The following LRP1B variants were observed in gnomAD, a reference collection of about 807,000 sequenced individuals.
LRP1B encodes the protein LDL receptor related protein 1B.
In LRP1B, 217 loss-of-function variants were observed where a neutral mutation model predicts 556.6. That is an observed-to-expected ratio of 0.39 (90% CI 0.35 to 0.44). The LOEUF (loss-of-function observed/expected upper bound fraction) is 0.44. Among genes scored for constraint, LRP1B ranks in the 20% least tolerant of loss-of-function variants. The probability of loss-of-function intolerance (pLI) is 1.00; values close to 1 mark genes in which losing one functional copy is unlikely to be tolerated. For missense variants in LRP1B, 5,053 were observed against 5,620.8 expected (o/e 0.90, Z 3.23); for synonymous variants, 2,047 against 1,865.8 (o/e 1.10, Z -2.50).
At chr2:141,628,065 G>T (rs1419039635) in intron 2 of LRP1B, among the ~76,000 whole-genome samples, 1 of 152,204 alleles carries the variant, frequency 6.6e-6, no homozygotes, top group Non-Finnish European at 1.5e-5. Flanking sequence ...AGGTGGCTGG[G>T]TAAAAGAGCA....
intron 41 of LRP1B, among the ~76,000 whole-genome samples, chr2:140,684,453 C>T (rs1685976294): frequency 6.6e-6 from 1 of 152,164 alleles, no homozygotes; most frequent in Non-Finnish European, 1.5e-5. Context: ...AATCCTGTCA[C>T]CCTAAGCATG....
intron 3 of LRP1B, among the ~76,000 whole-genome samples, chr2:141,467,845 G>GGGC (rs575815274): frequency 7.9e-6 from 1 of 127,364 alleles, no homozygotes; most frequent in African/African-American, 2.8e-5. Flanking sequence ...GGACCGGGGG[G>GGGC]GGGGGAATTC....
intron 41 of LRP1B, among the ~76,000 whole-genome samples, chr2:140,650,648 C>G (rs984673906): frequency 1.3e-5 from 2 of 152,004 alleles, no homozygotes; most frequent in African/African-American, 4.8e-5. Context: ...CATGCCCGGC[C>G]GACAGTTAAA....
intron 2 of LRP1B, among the ~76,000 whole-genome samples, chr2:141,572,275 T>C (rs1223049074): frequency 6.6e-6 from 1 of 152,054 alleles, no homozygotes; most frequent in African/African-American, 2.4e-5. Flanking sequence ...GGGGTCAATA[T>C]ACAACATTCT....
At chr2:141,672,565 T>G (rs563846462) in intron 2 of LRP1B, among the ~76,000 whole-genome samples, 1 of 152,182 alleles carries the variant, frequency 6.6e-6, no homozygotes, top group Non-Finnish European at 1.5e-5. Context: ...ATACCTAGAT[T>G]TATGTAATCT....
At chr2:140,572,372 T>C (rs971989915) in intron 43 of LRP1B, among the ~76,000 whole-genome samples, 2 of 151,234 alleles carry the variant, frequency 1.3e-5, no homozygotes, top group Non-Finnish European at 3.0e-5. Flanking sequence ...TGCAAATAAA[T>C]GGCCAACAGG....
chr2:141,471,281 T>TTTTTGTTTTTG (rs1682459612), intron 3 of LRP1B, among the ~76,000 whole-genome samples: 1 of 81,764 alleles, frequency 1.2e-5, no homozygotes, highest in Non-Finnish European at 2.7e-5. Context: ...TTTTTTTTTT[T>TTTTTGTTTTTG]TTTTTTTTTT....
chr2:141,149,758 G>T (rs956479201), intron 7 of LRP1B, among the ~76,000 whole-genome samples: 1 of 152,158 alleles, frequency 6.6e-6, no homozygotes, highest in Admixed American at 6.6e-5. Flanking sequence ...GAACAGGTTC[G>T]CAGCAGGCCT....
At chr2:142,071,653 G>T (rs1705315514) in intron 1 of LRP1B, among the ~76,000 whole-genome samples, 1 of 151,992 alleles carries the variant, frequency 6.6e-6, no homozygotes, top group South Asian at 2.1e-4. Flanking sequence ...TTGAGTATTT[G>T]TGACAGAGAC....
Position 141,044,000 on chromosome 2 carries a change from C to G in LRP1B, c.1789+4986G>C, listed in dbSNP as rs1302997179. Among the ~76,000 whole-genome samples, 8 of 152,084 alleles carry G rather than the reference C, an allele frequency of 5.3e-5. No homozygotes were observed. The East Asian group carries it at 1.4e-3, about 26-fold the overall frequency. ...CAAAGGAACAAAGGTGGAGGCATCACACTACCTGACTTCAAACTATACTAC... is the reference window on the plus strand; with the variant it reads ...CAAAGGAACAAAGGTGGAGGCATCAGACTACCTGACTTCAAACTATACTAC... On this transcript the variant is annotated intron_variant, in intron 11 of 90. Coordinates refer to ENST00000389484, the MANE Select transcript of LRP1B (RefSeq NM_018557.3).
intron 7 of LRP1B, among the ~76,000 whole-genome samples, chr2:141,126,672 G>GATC (rs765216409): frequency 2.6e-5 from 4 of 151,876 alleles, no homozygotes; most frequent in Non-Finnish European, 4.4e-5. Flanking sequence ...CTTCACCCAA[G>GATC]ATCATATCCA....
Position 141,028,906 on chromosome 2 carries a change from G to A in LRP1B, c.1790-8804C>T, listed in dbSNP as rs574504586. On this transcript the variant is annotated intron_variant, in intron 11 of 90. Coordinates refer to ENST00000389484, the MANE Select transcript of LRP1B (RefSeq NM_018557.3). ...AAGGCAACAACCAAGTGAAACATACGCAGAATAATCACAAAAGAGAAAAAG... is the reference window on the plus strand; with the variant it reads ...AAGGCAACAACCAAGTGAAACATACACAGAATAATCACAAAAGAGAAAAAG... Among the ~76,000 whole-genome samples, 17 of 152,142 alleles carry A rather than the reference G, an allele frequency of 1.1e-4. No homozygotes were observed. The East Asian group carries it at 1.4e-3, about 12-fold the overall frequency.
At chr2:141,753,899 A>T (rs2105575424) in intron 2 of LRP1B, among the ~76,000 whole-genome samples, 1 of 152,142 alleles carries the variant, frequency 6.6e-6, no homozygotes, top group African/African-American at 2.4e-5. Context: ...TGTCCAGCTC[A>T]TTTATCTTGT....
chr2:140,495,707 T>C lies in LRP1B; in HGVS notation c.8892A>G (p.Lys2964=), dbSNP rs1382613513. 1 of 1,612,870 alleles carries C rather than the reference T, an allele frequency of 6.2e-7. No homozygotes were observed. The highest frequency in any genetic ancestry group is 1.1e-5 in the South Asian group (1 of 91,028). Residue 2964 remains lysine, a synonymous_variant, in exon 56 of 91, where the codon AAA becomes AAG. Transcript: ENST00000389484. The part of the protein sequence containing the change: ...WPGFQLKDDG[K]TCVDIDECSS... ...AGCATTCATCAATGTCTACACATGTTTTGCCGTCATCCTTCAGTTGGAATC... is the reference window on the plus strand; with the variant it reads ...AGCATTCATCAATGTCTACACATGTCTTGCCGTCATCCTTCAGTTGGAATC...
intron 3 of LRP1B, among the ~76,000 whole-genome samples, chr2:141,398,801 C>T (rs560961429): frequency 6.6e-6 from 1 of 152,188 alleles, no homozygotes; most frequent in Non-Finnish European, 1.5e-5. Context: ...TGAAACACCC[C>T]CTCCTTGAGG....
chr2:140,257,614 C>G (rs991921310), intron 86 of LRP1B, among the ~76,000 whole-genome samples: 1 of 152,108 alleles, frequency 6.6e-6, no homozygotes, highest in African/African-American at 2.4e-5. Context: ...GCTAAAGTAA[C>G]CTACGACCTC....
At chr2:142,019,234 T>G (rs954504421) in intron 1 of LRP1B, among the ~76,000 whole-genome samples, 1 of 152,206 alleles carries the variant, frequency 6.6e-6, no homozygotes, top group African/African-American at 2.4e-5. Flanking sequence ...TTGTGTGGAC[T>G]ATCAGTTAGT....
intron 22 of LRP1B, among the ~76,000 whole-genome samples, chr2:140,904,217 T>C (rs1335444862): frequency 6.6e-6 from 1 of 152,000 alleles, no homozygotes; most frequent in East Asian, 1.9e-4. Flanking sequence ...CTTGAGAAAA[T>C]TTCAATATGA....
At chr2:141,781,729 G>T (rs1387252104) in intron 2 of LRP1B, among the ~76,000 whole-genome samples, 2 of 152,122 alleles carry the variant, frequency 1.3e-5, no homozygotes, top group African/African-American at 4.8e-5. Context: ...ACTCTTTGGA[G>T]TTACACAGAC....
Sources: gnomAD v4.1 joint callset for allele counts (sites outside exome capture counted in the v4.1 genomes callset) on GRCh38, gnomAD v4.1.1 for gene constraint, MANE v1.5 for transcripts, NCBI Gene and HGNC (gene_info 2026-07-23, HGNC 2026-07-21) for gene names.